Variants in IPMK observed in about 807,000 individuals in gnomAD.
IPMK encodes inositol 1,3,4,6-tetrakisphosphate 5-kinase.
Under a neutral mutation model 45.8 loss-of-function variants are expected in IPMK, and 17 were observed. The ratio of observed to expected loss-of-function variants is 0.37; its 90% CI spans 0.25 to 0.56. The LOEUF (loss-of-function observed/expected upper bound fraction) is 0.56, where lower values mean the gene tolerates loss of function less well. Ranked by LOEUF, IPMK falls within the 20% of genes least tolerant of loss-of-function variation. IPMK has a pLI of 0.79. For synonymous variants in IPMK, 180 were observed against 184.3 expected (o/e 0.98, Z 0.19); for missense variants, 399 against 498.0 (o/e 0.80, Z 1.89).
chr10:58,244,606 G>A (rs926914557), intron 1 of IPMK, among the ~76,000 whole-genome samples: 1 of 149,832 alleles, frequency 6.7e-6, no homozygotes, highest in African/African-American at 2.4e-5. Flanking sequence ...AAGAAAAGGG[G>A]GAAATGTGGG....
chr10:58,237,418 A>G (rs1279218025), intron 2 of IPMK, among the ~76,000 whole-genome samples: 1 of 152,226 alleles, frequency 6.6e-6, no homozygotes, highest in African/African-American at 2.4e-5. Flanking sequence ...TAGTCCCTTT[A>G]TGAAACCAAC....
intron 1 of IPMK, among the ~76,000 whole-genome samples, chr10:58,265,997 T>C (rs1263157533): frequency 1.3e-5 from 2 of 152,236 alleles, no homozygotes; most frequent in Non-Finnish European, 2.9e-5. Flanking sequence ...AATGTATTAA[T>C]ATAAATCAAT....
intron 4 of IPMK, among the ~76,000 whole-genome samples, chr10:58,209,283 T>A (rs2132148174): frequency 6.6e-6 from 1 of 152,282 alleles, no homozygotes; most frequent in Non-Finnish European, 1.5e-5. Context: ...CCAAGGTCCT[T>A]CATGATCACA....
intron 4 of IPMK, among the ~76,000 whole-genome samples, chr10:58,202,794 T>G (rs889527417): frequency 1.3e-5 from 2 of 152,190 alleles, no homozygotes. Context: ...AAAAAAAGAT[T>G]CCTTCCAAAA....
In IPMK at chr10:58,192,014, TAAAG is replaced by T. The variant is rs1009338653; in HGVS notation, c.*4058_*4061del. On this transcript the variant is annotated 3_prime_UTR_variant, in exon 6 of 6. Transcript: ENST00000373935. ...AAACTTTGATGACAAAATCTAAAAT[TAAAG>T]AAAAGTCTTAAAAGCCTATAGTGAC... 1.3e-5 allele frequency: 2 copies of T among 152,012 alleles called. No homozygotes were observed. The highest frequency in any genetic ancestry group is 4.8e-5 in the African/African-American group (2 of 41,446). 9.4% of individuals were successfully genotyped at this position (152,012 alleles called of 1,614,324 possible).
intron 3 of IPMK, 99 bp downstream of exon 3, chr10:58,226,944 T>G: frequency 1.5e-6 from 1 of 687,732 alleles, no homozygotes; most frequent in South Asian, 2.1e-5. Context: ...TTTGTGTTTT[T>G]ATAATACATA....
chr10:58,233,628 T>C (rs1838561693), intron 2 of IPMK, among the ~76,000 whole-genome samples: 1 of 152,042 alleles, frequency 6.6e-6, no homozygotes, highest in African/African-American at 2.4e-5. Context: ...CAGCCCTTCA[T>C]TAAAAAAACT....
chr10:58,226,720 T>C (rs1838421901), intron 3 of IPMK, among the ~76,000 whole-genome samples: 1 of 152,104 alleles, frequency 6.6e-6, no homozygotes, highest in Non-Finnish European at 1.5e-5. Flanking sequence ...TTTTCTTGAT[T>C]TTTAAAAAAT....
At chr10:58,203,116 A>G (rs541243850) in intron 4 of IPMK, among the ~76,000 whole-genome samples, 132 of 152,280 alleles carry the variant, frequency 8.7e-4, no homozygotes, top group Admixed American at 1.5e-3. Flanking sequence ...ATCAACATTA[A>G]CAGGAGTTTG....
At chr10:58,209,646 G>A (rs1388362679) in intron 4 of IPMK, among the ~76,000 whole-genome samples, 22 of 152,332 alleles carry the variant, frequency 1.4e-4, no homozygotes, top group Admixed American at 1.4e-3. Flanking sequence ...CTCTAGTGGA[G>A]GTGGCAGGGG....
At chr10:58,217,524 A>C (rs925409355) in intron 3 of IPMK, among the ~76,000 whole-genome samples, 3 of 151,658 alleles carry the variant, frequency 2.0e-5, no homozygotes, top group African/African-American at 4.8e-5. Context: ...CCCCGTCTCT[A>C]CTAATAATAC....
intron 1 of IPMK, among the ~76,000 whole-genome samples, chr10:58,244,369 G>C (rs562003180): frequency 4.0e-5 from 6 of 150,822 alleles, no homozygotes; most frequent in Non-Finnish European, 5.9e-5. Flanking sequence ...TCTGGGAAGT[G>C]GGGGGTGCCT....
chr10:58,246,198 G>A (rs1418327012), intron 1 of IPMK, among the ~76,000 whole-genome samples: 1 of 146,592 alleles, frequency 6.8e-6, no homozygotes, highest in Non-Finnish European at 1.5e-5. Context: ...TGGGTAGGAA[G>A]AATCAATATC....
intron 1 of IPMK, among the ~76,000 whole-genome samples, chr10:58,248,429 C>T (rs1838834214): frequency 6.6e-6 from 1 of 152,078 alleles, no homozygotes. Flanking sequence ...TTTTTTGATA[C>T]ATAACTGTAC....
intron 1 of IPMK, among the ~76,000 whole-genome samples, chr10:58,263,419 G>A (rs1244464422): frequency 1.3e-5 from 2 of 152,012 alleles, no homozygotes; most frequent in Non-Finnish European, 2.9e-5. Flanking sequence ...AGCTACTTAA[G>A]AGGCTGAGGC....
chr10:58,234,470 T>C (rs1375967338), intron 2 of IPMK, among the ~76,000 whole-genome samples: 2 of 152,116 alleles, frequency 1.3e-5, no homozygotes, highest in Non-Finnish European at 2.9e-5. Flanking sequence ...AACAGAGATA[T>C]AGACCAATGG....
intron 1 of IPMK, among the ~76,000 whole-genome samples, chr10:58,254,495 C>A (rs917616432): frequency 1.3e-5 from 2 of 151,352 alleles, no homozygotes; most frequent in South Asian, 2.1e-4. Context: ...TGAACTTCTT[C>A]AAAAAAAAAT....
At chr10:58,208,813 G>A (rs1838112356) in intron 4 of IPMK, among the ~76,000 whole-genome samples, 1 of 152,190 alleles carries the variant, frequency 6.6e-6, no homozygotes, top group Non-Finnish European at 1.5e-5. Flanking sequence ...CATAGAGGGG[G>A]TATCCCTGCA....
intron 1 of IPMK, among the ~76,000 whole-genome samples, chr10:58,259,808 C>A (rs1478759286): frequency 1.3e-5 from 2 of 151,806 alleles, no homozygotes; most frequent in Non-Finnish European, 2.9e-5. Context: ...CCACTGCACT[C>A]GAGCCTGGGT....
Sources: gnomAD v4.1 joint callset for allele counts (sites outside exome capture counted in the v4.1 genomes callset) on GRCh38, gnomAD v4.1.1 for gene constraint, MANE v1.5 for transcripts, NCBI Gene and HGNC (gene_info 2026-07-23, HGNC 2026-07-21) for gene names.